The following SGCD variants were observed in gnomAD, a reference collection of about 807,000 sequenced individuals.
The protein encoded by SGCD is sarcoglycan delta, also known as delta-sarcoglycan.
Under a neutral mutation model 36.6 loss-of-function variants are expected in SGCD, and 18 were observed. That is an observed-to-expected ratio of 0.49 (90% CI 0.34 to 0.73). The LOEUF (loss-of-function observed/expected upper bound fraction) is 0.73. Ranked by LOEUF, SGCD falls within the 30% of genes least tolerant of loss-of-function variation. The probability of loss-of-function intolerance (pLI) is 0.01; values close to 1 mark genes in which losing one functional copy is unlikely to be tolerated. For missense variants in SGCD, 387 were observed against 346.7 expected (o/e 1.12, Z -0.92); for synonymous variants, 133 against 130.6 (o/e 1.02, Z -0.12).
intron 1 of SGCD, among the ~76,000 whole-genome samples, chr5:155,908,201 T>C (rs895725216): frequency 6.6e-6 from 1 of 152,126 alleles, no homozygotes; most frequent in Non-Finnish European, 1.5e-5. Context: ...ACTTTTATAA[T>C]GCACTGAAAA....
intron 3 of SGCD, among the ~76,000 whole-genome samples, chr5:156,145,160 A>G (rs1212949949): frequency 6.6e-6 from 1 of 152,204 alleles, no homozygotes; most frequent in African/African-American, 2.4e-5. Context: ...ATTTAGCACC[A>G]TCACCTTGGT....
the SGCD span, among the ~76,000 whole-genome samples, chr5:155,785,299 AAC>A: frequency 2.0e-5 from 3 of 152,168 alleles, no homozygotes; most frequent in Non-Finnish European, 2.9e-5. Context: ...TTACATTTTT[AAC>A]ACACACATAA....
intron 3 of SGCD, among the ~76,000 whole-genome samples, chr5:156,133,630 C>A (rs1287539941): frequency 6.6e-6 from 1 of 152,108 alleles, no homozygotes; most frequent in Admixed American, 6.5e-5. Flanking sequence ...AAGGATACTT[C>A]CTTTAATGTT....
chr5:155,951,728 A>G (rs1581008546), intron 1 of SGCD, among the ~76,000 whole-genome samples: 1 of 152,276 alleles, frequency 6.6e-6, no homozygotes, highest in African/African-American at 2.4e-5. Flanking sequence ...GCTTTTCTCC[A>G]TATCTCTGAG....
intron 4 of SGCD, among the ~76,000 whole-genome samples, chr5:156,552,605 G>C (rs1396682232): frequency 6.6e-6 from 1 of 152,084 alleles, no homozygotes; most frequent in African/African-American, 2.4e-5. Context: ...CCCTGTGAAT[G>C]GAGGAACATC....
chr5:156,372,603 T>C (rs1770443647), intron 3 of SGCD, among the ~76,000 whole-genome samples: 2 of 152,160 alleles, frequency 1.3e-5, no homozygotes, highest in Admixed American at 6.5e-5. Flanking sequence ...ATATATATCT[T>C]CCTCCATCAA....
At chr5:156,537,746 C>T (rs1758179960) in intron 4 of SGCD, among the ~76,000 whole-genome samples, 1 of 151,912 alleles carries the variant, frequency 6.6e-6, no homozygotes, top group Admixed American at 6.6e-5. Context: ...AGATGGGCTG[C>T]CTTAGCTAGT....
intron 3 of SGCD, among the ~76,000 whole-genome samples, chr5:156,481,663 G>A (rs961528850): frequency 6.6e-5 from 10 of 152,108 alleles, no homozygotes; most frequent in African/African-American, 2.4e-4. Context: ...TGCCCCCACA[G>A]GATTTTAGGG....
chr5:156,696,115 G>A (rs1286958739), intron 7 of SGCD, among the ~76,000 whole-genome samples: 1 of 152,178 alleles, frequency 6.6e-6, no homozygotes, highest in Non-Finnish European at 1.5e-5. Context: ...TTCATGTGGG[G>A]TCAGGAGATT....
the SGCD span, among the ~76,000 whole-genome samples, chr5:155,783,049 G>A: frequency 6.6e-6 from 1 of 152,262 alleles, no homozygotes; most frequent in East Asian, 1.9e-4. Context: ...TCGGTGGAGG[G>A]GAGAGGGAGA....
intron 7 of SGCD, among the ~76,000 whole-genome samples, chr5:156,732,842 TTATC>T (rs1756149141): frequency 6.6e-6 from 1 of 151,400 alleles, no homozygotes; most frequent in Non-Finnish European, 1.5e-5. Flanking sequence ...GTCTACAAAT[TTATC>T]TATTCTAGTT....
intron 3 of SGCD, among the ~76,000 whole-genome samples, chr5:156,144,199 C>T (rs1468824526): frequency 2.6e-5 from 4 of 152,018 alleles, no homozygotes; most frequent in Admixed American, 6.6e-5. Flanking sequence ...AATAAACATA[C>T]GTGTCCATGT....
chr5:155,862,476 A>G, the SGCD span, among the ~76,000 whole-genome samples: 2 of 152,058 alleles, frequency 1.3e-5, no homozygotes, highest in African/African-American at 4.8e-5. Flanking sequence ...ACAGACATGC[A>G]CCGCTACACC....
intron 1 of SGCD, among the ~76,000 whole-genome samples, chr5:155,882,870 G>A (rs909893741): frequency 3.3e-5 from 5 of 152,248 alleles, no homozygotes; most frequent in Admixed American, 6.5e-5. Flanking sequence ...CTTTAAAGCC[G>A]GGCATTGACT....
chr5:156,224,014 A>C (rs998152458), intron 3 of SGCD, among the ~76,000 whole-genome samples: 14 of 151,892 alleles, frequency 9.2e-5, no homozygotes, highest in Admixed American at 8.5e-4. Context: ...AAATGTCAAC[A>C]CAAAGAAGTT....
the SGCD span, among the ~76,000 whole-genome samples, chr5:155,736,029 G>C: frequency 2.6e-5 from 4 of 152,208 alleles, no homozygotes; most frequent in South Asian, 8.3e-4. Context: ...GTCACCTTGG[G>C]ATCCTTCTTT....
intron 3 of SGCD, among the ~76,000 whole-genome samples, chr5:156,171,217 G>T (rs925779415): frequency 1.3e-5 from 2 of 152,158 alleles, no homozygotes; most frequent in African/African-American, 2.4e-5. Context: ...TTGCGTTGGC[G>T]CCATGCTAAG....
intron 3 of SGCD, among the ~76,000 whole-genome samples, chr5:156,285,306 A>G (rs1482566572): frequency 1.3e-5 from 2 of 152,182 alleles, no homozygotes; most frequent in Admixed American, 6.5e-5. Flanking sequence ...CTTTTTTCAC[A>G]GAATTGGAAA....
At chr5:155,815,430 C>T in the SGCD span, among the ~76,000 whole-genome samples, 1 of 152,114 alleles carries the variant, frequency 6.6e-6, no homozygotes, top group Non-Finnish European at 1.5e-5. Context: ...TATCCATTAT[C>T]CTAGGTTATC....
Sources: gnomAD v4.1 joint callset for allele counts (sites outside exome capture counted in the v4.1 genomes callset) on GRCh38, gnomAD v4.1.1 for gene constraint, MANE v1.5 for transcripts, NCBI Gene and HGNC (gene_info 2026-07-23, HGNC 2026-07-21) for gene names.